The following PBLD variants were observed in gnomAD, a reference collection of about 807,000 sequenced individuals.
The protein encoded by PBLD is phenazine biosynthesis-like domain-containing protein.
A neutral mutation model predicts 31.3 loss-of-function variants in PBLD; 26 were observed. The ratio of observed to expected loss-of-function variants is 0.83; its 90% CI spans 0.61 to 1.15. PBLD has a LOEUF of 1.15. Ranked by LOEUF, PBLD falls within the 50% of genes most tolerant of loss-of-function variation. The probability of loss-of-function intolerance (pLI) is 0.00; values close to 1 mark genes in which losing one functional copy is unlikely to be tolerated. For missense variants in PBLD, 307 were observed against 351.7 expected (o/e 0.87, Z 1.02); for synonymous variants, 114 against 129.0 (o/e 0.88, Z 0.79).
At chr10:68,319,604 C>G (rs1456095449) in intron 1 of PBLD, among the ~76,000 whole-genome samples, 1 of 151,806 alleles carries the variant, frequency 6.6e-6, no homozygotes, top group Admixed American at 6.6e-5. Context: ...GCCAGTAAGC[C>G]CAGCTACTCA....
At chr10:68,301,543 G>A (rs1201199400) in intron 2 of PBLD, among the ~76,000 whole-genome samples, 7 of 152,164 alleles carry the variant, frequency 4.6e-5, no homozygotes, top group South Asian at 2.1e-4. Flanking sequence ...AGTGGTAATC[G>A]AAAGGTGATC....
chr10:68,322,484 G>T (rs2044850281), intron 1 of PBLD, among the ~76,000 whole-genome samples: 1 of 149,358 alleles, frequency 6.7e-6, no homozygotes, highest in African/African-American at 2.5e-5. Context: ...AACATAGAGA[G>T]ATCTCATCTC....
At position 68,306,885 on chromosome 10, in the gene PBLD, G is replaced by A. The variant is rs758730064; in HGVS notation, c.-41C>T. 4.6e-6 allele frequency: 7 copies of A among 1,510,640 alleles called. No homozygotes were observed. The East Asian group carries it at 1.6e-4, about 34-fold the overall frequency. The allele number at this position is 1,510,640 out of a possible 1,614,324, so 93.6% of individuals were successfully genotyped here. A position where few individuals can be genotyped will look rare whatever the true frequency, so the allele number is the denominator to read the frequency against. ...TTTTTGCAAGTTCTCAAAATTGCTG[G>A]TAGCCTGCTTTACGTCTTCTTCTTG... On this transcript the variant is annotated 5_prime_UTR_variant, in exon 2 of 10. Transcript: ENST00000358769.
chr10:68,309,055 G>T (rs137935933), intron 1 of PBLD, among the ~76,000 whole-genome samples: 1 of 150,388 alleles, frequency 6.6e-6, no homozygotes, highest in East Asian at 2.0e-4. Context: ...GTCTTAGTTT[G>T]TTTACAGTTT....
intron 3 of PBLD, among the ~76,000 whole-genome samples, 190 bp downstream of exon 3, chr10:68,296,696 A>C (rs1270508163): frequency 6.6e-6 from 1 of 152,204 alleles, no homozygotes; most frequent in Non-Finnish European, 1.5e-5. Flanking sequence ...GATGTCATTC[A>C]AGAATTATTT....
At chr10:68,314,593 T>C (rs1212551703) in intron 1 of PBLD, among the ~76,000 whole-genome samples, 2 of 151,462 alleles carry the variant, frequency 1.3e-5, no homozygotes, top group East Asian at 3.9e-4. Flanking sequence ...ACTAACAAGG[T>C]TTGTCTTTTT....
intron 4 of PBLD, among the ~76,000 whole-genome samples, chr10:68,294,689 C>A (rs2044401485): frequency 6.6e-6 from 1 of 152,212 alleles, no homozygotes; most frequent in Admixed American, 6.5e-5. Flanking sequence ...GTTGCTACTA[C>A]TCTGCAGTTC....
At chr10:68,293,641 T>C (rs1379893663) in intron 4 of PBLD, among the ~76,000 whole-genome samples, 1 of 152,180 alleles carries the variant, frequency 6.6e-6, no homozygotes, top group South Asian at 2.1e-4. Flanking sequence ...AAGACTGCCC[T>C]ATGGGGGTTT....
At chr10:68,311,702 A>C (rs1457577248) in intron 1 of PBLD, among the ~76,000 whole-genome samples, 1 of 148,042 alleles carries the variant, frequency 6.8e-6, no homozygotes, top group Non-Finnish European at 1.5e-5. Context: ...CAGTGAGCCG[A>C]GATCATGCCA....
Position 68,308,698 on chromosome 10 carries a change from G to A in PBLD, c.-59-1795C>T, listed in dbSNP as rs546704072. On this transcript the variant is annotated intron_variant, in intron 1 of 9. Coordinates refer to ENST00000358769, the MANE Select transcript of PBLD (RefSeq NM_022129.4). The stretch of plus-strand genomic sequence containing the variant: ...CAAGTAGCTGGGATTACAGGCACGT[G>A]CCACCACACCTGGCTTATTTTTTGT... 4.2e-4 allele frequency among the ~76,000 whole-genome samples: 63 copies of A among 150,238 alleles called. No homozygotes were observed. The South Asian group carries it at 0.011, about 26-fold the overall frequency.
chr10:68,290,861 A>G (rs995428702), intron 6 of PBLD, among the ~76,000 whole-genome samples: 18 of 152,224 alleles, frequency 1.2e-4, no homozygotes, highest in African/African-American at 4.3e-4. Flanking sequence ...TTCTACCATG[A>G]ACAAGGTCTA....
At chr10:68,292,613 G>C (rs1378699184) in intron 4 of PBLD, among the ~76,000 whole-genome samples, 1 of 151,624 alleles carries the variant, frequency 6.6e-6, no homozygotes, top group Non-Finnish European at 1.5e-5. Context: ...ACATTCAAGT[G>C]ATTCTCCCAC....
Position 68,288,481 on chromosome 10 carries a change from AC to A in PBLD, c.691+1del. On this transcript the variant is annotated splice_donor_variant, in intron 8 of 9. Transcript: ENST00000358769. LOFTEE classifies it high-confidence loss of function. ...CCTCCCCTGGGCTCAAGTAAAAAGTACCTGTCACTGGGTCTTCAGCCACACC... is the reference window on the plus strand; with the variant it reads ...CCTCCCCTGGGCTCAAGTAAAAAGTACTGTCACTGGGTCTTCAGCCACACC... 6.2e-7 allele frequency: 1 copy of A among 1,612,790 alleles called. No individual in the cohort carries two copies. The highest frequency in any genetic ancestry group is 1.1e-5 in the South Asian group (1 of 90,806).
intron 1 of PBLD, among the ~76,000 whole-genome samples, chr10:68,330,683 C>G (rs2045031411): frequency 6.6e-6 from 1 of 150,824 alleles, no homozygotes; most frequent in Non-Finnish European, 1.5e-5. Flanking sequence ...GTAGCTGAGA[C>G]TACAGGGGCC....
chr10:68,308,280 AT>A (rs2044610118), intron 1 of PBLD, among the ~76,000 whole-genome samples: 1 of 152,198 alleles, frequency 6.6e-6, no homozygotes, highest in South Asian at 2.1e-4. Context: ...TTGGGTGAAT[AT>A]TTAAGTTGTT....
At chr10:68,322,650 C>T (rs1282847157) in intron 1 of PBLD, among the ~76,000 whole-genome samples, 2 of 147,504 alleles carry the variant, frequency 1.4e-5, no homozygotes, top group East Asian at 2.0e-4. Flanking sequence ...GGTGACACAG[C>T]GAGACCCTGT....
chr10:68,295,221 G>T (rs564470512), intron 4 of PBLD, among the ~76,000 whole-genome samples: 116 of 152,272 alleles, frequency 7.6e-4, no homozygotes, highest in African/African-American at 2.6e-3. Context: ...GGCCGGGCGT[G>T]GTGGCTCATG....
At chr10:68,319,053 G>GATAA (rs1554860579) in intron 1 of PBLD, among the ~76,000 whole-genome samples, 4 of 98,836 alleles carry the variant, frequency 4.0e-5, no homozygotes, top group African/African-American at 1.3e-4. Flanking sequence ...AAGAAAGAGA[G>GATAA]AGAAAGAAAG....
Position 68,296,896 on chromosome 10 carries a change from G to A in PBLD, c.174C>T (p.Asn58=), listed in dbSNP as rs2044436871. ...AAAATGCATATTTACTTTGTGCAAA[G>A]TTGTCTGTCGGGTGCAGTTTTCGGA... is the stretch of plus-strand genomic sequence containing the variant. ...AFIRKLHPTD[N]FAQSSCFGLR... is the part of the protein sequence containing the mutation. Residue 58 remains asparagine (N), a synonymous_variant, in exon 3 of 10, where the codon AAC becomes AAT. Coordinates refer to ENST00000358769, the MANE Select transcript of PBLD (RefSeq NM_022129.4). 6.2e-7 allele frequency: 1 copy of A among 1,611,892 alleles called. No individual in the cohort carries two copies.
Sources: allele counts gnomAD v4.1 joint callset (sites outside exome capture counted in the v4.1 genomes callset), GRCh38; gene constraint gnomAD v4.1.1; transcripts MANE v1.5; gene names NCBI Gene and HGNC (gene_info 2026-07-23, HGNC 2026-07-21).